NANS: variants seen among roughly 807,000 people sequenced by gnomAD.
NANS encodes N-acetylneuraminate-9-phosphate synthase.
Under a neutral mutation model 33.3 loss-of-function variants are expected in NANS, and 29 were observed. The ratio of observed to expected loss-of-function variants is 0.87; its 90% CI spans 0.65 to 1.19. The LOEUF (loss-of-function observed/expected upper bound fraction) is 1.19. NANS is among the 50% of genes most tolerant of loss of function. NANS has a pLI of 0.00. For synonymous variants in NANS, 163 were observed against 177.2 expected (o/e 0.92, Z 0.64); for missense variants, 394 against 461.1 (o/e 0.85, Z 1.33).
intron 2 of NANS, chr9:98,061,198 C>G (rs989140015): frequency 3.5e-6 from 2 of 578,952 alleles, no homozygotes; most frequent in Non-Finnish European, 6.1e-6. Flanking sequence ...TGTCTCTGGC[C>G]GGGCTTGATG....
At chr9:98,082,760 C>A in intron 5 of NANS, 86 bp from the exon 6 acceptor site, 1 of 1,314,802 alleles carries the variant, frequency 7.6e-7, no homozygotes, top group Non-Finnish European at 1.1e-6. Context: ...CTGGGGAAGA[C>A]TGATCAGGGA....
rs766138671 is a variant in NANS, at chr9:98,078,247, T to C, written c.503T>C (p.Val168Ala). ...CAGTCAATGGACACCATGAAGCAAG[T>C]TTATCAGATCGTGAAGCCCCTCAAC... Reference protein sequence around the residue: ...GMQSMDTMKQVYQIVKPLNPN... With the variant: ...GMQSMDTMKQAYQIVKPLNPN... Residue 168 changes from valine (V) to alanine (A), a missense_variant, in exon 4 of 6, where the codon GTT becomes GCT. Transcript: ENST00000210444. 6.2e-7 allele frequency: 1 copy of C among 1,614,012 alleles called. No homozygotes were observed. The highest frequency in any genetic ancestry group is 1.7e-5 in the Admixed American group (1 of 60,002).
Position 98,056,885 on chromosome 9 carries a change from G to C in NANS, c.77G>C (p.Gly26Ala), listed in dbSNP as rs866659432. 6.2e-7 allele frequency: 1 copy of C among 1,611,196 alleles called. No individual in the cohort carries two copies. The highest frequency in any genetic ancestry group is 8.5e-7 in the Non-Finnish European group (1 of 1,178,976). ...CCGTGCTTCATCATTGCCGAGATCG[G>C]CCAGAACCACCAGGGCGACCTGGAC... ...QHPCFIIAEIGQNHQGDLDVA... is the reference protein window; with the variant it reads ...QHPCFIIAEIAQNHQGDLDVA... The change falls in exon 1 of 6, where the codon GGC becomes GCC. Residue 26 changes from glycine (G) to alanine (A), a missense_variant. Gly to Ala is a moderately conservative substitution (Grantham distance 60, BLOSUM62 0). Coordinates refer to ENST00000210444, the MANE Select transcript of NANS (RefSeq NM_018946.4).
At chr9:98,078,071 C>T (rs1829670112) in intron 3 of NANS, 122 bp from the exon 4 acceptor site, 2 of 1,424,268 alleles carry the variant, frequency 1.4e-6, no homozygotes, top group Non-Finnish European at 9.6e-7. Flanking sequence ...GGGGCTGGCA[C>T]AGTGTTTTAA....
chr9:98,077,128 CTT>C (rs1829628979), intron 3 of NANS, 111 bp downstream of exon 3: 1 of 822,570 alleles, frequency 1.2e-6, no homozygotes, highest in Non-Finnish European at 1.9e-6. Flanking sequence ...ATTTTAGCCT[CTT>C]TTCATTTTTT....
chr9:98,069,576 A>T (rs977580406), intron 2 of NANS: 1 of 152,328 alleles, frequency 6.6e-6, no homozygotes, highest in African/African-American at 2.4e-5. Flanking sequence ...CCAGCCAGGA[A>T]TGAACTATTG....
chr9:98,081,014 C>G lies in NANS; in HGVS notation c.802C>G (p.Leu268Val). ...ELAELVRSVR[L>V]VERALGSPTK... is the part of the protein sequence containing the mutation. ...GGCCGAGCTGGTGCGGTCAGTGCGT[C>G]TTGTGGAGCGTGCCCTGGGCTCCCC... The change falls in exon 5 of 6, where the codon CTT becomes GTT. Residue 268 changes from leucine to valine, a missense_variant. Coordinates refer to ENST00000210444, the MANE Select transcript of NANS (RefSeq NM_018946.4). The G allele has an allele frequency of 6.2e-7, 1 of 1,614,224 alleles. No homozygotes were observed. The highest frequency in any genetic ancestry group is 2.2e-5 in the East Asian group (1 of 44,876).
chr9:98,077,108 A>G, intron 3 of NANS, 91 bp downstream of exon 3: 1 of 926,140 alleles, frequency 1.1e-6, no homozygotes, highest in Non-Finnish European at 1.6e-6. Context: ...AGCAGATTTC[A>G]TGAAGACAAA....
At position 98,077,343 on chromosome 9, in the gene NANS, T is replaced by A. The variant is rs183436713; in HGVS notation, c.448+326T>A. Among the ~76,000 whole-genome samples the A allele has an allele frequency of 9.3e-4, 142 of 152,164 alleles. 4 individuals carry two copies. The East Asian group carries it at 0.013, about 14-fold the overall frequency. On this transcript the variant is annotated intron_variant, in intron 3 of 5. Transcript: ENST00000210444. ...AAAATGAATTAAGAATATGACAGTTTTTATAAGACATTTAGAAATTCTTTT... is the reference window on the plus strand; with the variant it reads ...AAAATGAATTAAGAATATGACAGTTATTATAAGACATTTAGAAATTCTTTT...
chr9:98,079,459 A>G (rs557739523), intron 4 of NANS, among the ~76,000 whole-genome samples: 2 of 110,076 alleles, frequency 1.8e-5, no homozygotes, highest in South Asian at 6.5e-4. Context: ...ACATGTTGTT[A>G]TACAGCCATT....
At chr9:98,065,343 G>A (rs540338938) in intron 2 of NANS, among the ~76,000 whole-genome samples, 6 of 95,866 alleles carry the variant, frequency 6.3e-5, no homozygotes, top group African/African-American at 2.1e-4. Context: ...ACAGAGTTTC[G>A]TTATTGTTGC....
intron 4 of NANS, among the ~76,000 whole-genome samples, chr9:98,078,601 C>T (rs112716631): frequency 6.3e-4 from 96 of 151,942 alleles, no homozygotes; most frequent in African/African-American, 2.1e-3. Flanking sequence ...TTTGGGAGGT[C>T]GAGGTGGGCA....
At chr9:98,074,815 A>G (rs985222043) in intron 2 of NANS, 48 of 152,348 alleles carry the variant, frequency 3.2e-4, no homozygotes, top group African/African-American at 1.2e-3. Flanking sequence ...CACAAGATGA[A>G]CATTATACAA....
chr9:98,067,464 G>A (rs1829182278), intron 2 of NANS, among the ~76,000 whole-genome samples: 1 of 152,128 alleles, frequency 6.6e-6, no homozygotes, highest in Non-Finnish European at 1.5e-5. Flanking sequence ...GTCTCATTGT[G>A]GTTGTGATTT....
intron 2 of NANS, among the ~76,000 whole-genome samples, chr9:98,063,613 C>G (rs1470775786): frequency 6.6e-6 from 1 of 151,962 alleles, no homozygotes; most frequent in East Asian, 1.9e-4. Context: ...GCAATCATAG[C>G]TTACTGCAGT....
chr9:98,062,860 A>G (rs1205241335), intron 2 of NANS, among the ~76,000 whole-genome samples: 1 of 148,686 alleles, frequency 6.7e-6, no homozygotes, highest in Non-Finnish European at 1.5e-5. Flanking sequence ...TCTTTCTTAC[A>G]GCTGCATGTG....
intron 4 of NANS, among the ~76,000 whole-genome samples, chr9:98,080,252 G>A (rs1013385172): frequency 7.2e-5 from 11 of 152,250 alleles, no homozygotes; most frequent in Middle Eastern, 3.4e-3. Flanking sequence ...AATAATACAC[G>A]CTACCTGAGT....
chr9:98,072,623 G>A (rs1006475273), intron 2 of NANS, among the ~76,000 whole-genome samples: 1 of 151,956 alleles, frequency 6.6e-6, no homozygotes, highest in Non-Finnish European at 1.5e-5. Context: ...GTTGGCCAGG[G>A]TGGTCTTGAA....
intron 3 of NANS, among the ~76,000 whole-genome samples, chr9:98,077,752 T>C (rs1456438359): frequency 1.3e-5 from 2 of 152,128 alleles, no homozygotes; most frequent in Non-Finnish European, 2.9e-5. Context: ...TGATGCTTGA[T>C]ACTTATTTCA....
Sources: gnomAD v4.1 joint callset for allele counts (sites outside exome capture counted in the v4.1 genomes callset) on GRCh38, gnomAD v4.1.1 for gene constraint, MANE v1.5 for transcripts, NCBI Gene and HGNC (gene_info 2026-07-23, HGNC 2026-07-21) for gene names.